Variants in HIVEP1 observed in about 807,000 individuals in gnomAD.
The protein encoded by HIVEP1 is HIVEP zinc finger 1.
A neutral mutation model predicts 180.0 loss-of-function variants in HIVEP1; 36 were observed. That is an observed-to-expected ratio of 0.20 (90% CI 0.15 to 0.26). HIVEP1 has a LOEUF of 0.26. Among genes scored for constraint, HIVEP1 ranks in the 10% least tolerant of loss-of-function variants. The pLI is 1.00. For synonymous variants in HIVEP1, 1,239 were observed against 1,239.0 expected (o/e 1.00, Z 0.00); for missense variants, 3,143 against 3,268.7 (o/e 0.96, Z 0.94).
chr6:12,165,690 TA>T (rs1760683088), downstream of HIVEP1, among the ~76,000 whole-genome samples: 2 of 152,376 alleles, frequency 1.3e-5, no homozygotes, highest in African/African-American at 4.8e-5. Flanking sequence ...TGTTGGAATT[TA>T]AATACTTAGC....
chr6:12,101,628 A>AT (rs1774118655), intron 3 of HIVEP1, among the ~76,000 whole-genome samples: 2 of 152,082 alleles, frequency 1.3e-5, no homozygotes, highest in Non-Finnish European at 2.9e-5. Context: ...AAGAAATTAA[A>AT]TATTACATTT....
the HIVEP1 span, among the ~76,000 whole-genome samples, chr6:12,194,618 A>C: frequency 6.6e-6 from 1 of 152,160 alleles, no homozygotes; most frequent in Non-Finnish European, 1.5e-5. Flanking sequence ...CCTGGCCAAC[A>C]TGCTGAAACC....
rs763309195 is a variant in HIVEP1, at chr6:12,135,852, C to T, written c.6447C>T (p.Val2149=). The T allele has an allele frequency of 8.1e-5, 131 of 1,612,004 alleles. 1 individual carries two copies. Among genetic ancestry groups the T allele is most frequent in the Non-Finnish European group, 1.1e-4 (128 of 1,178,374 alleles). ...AHSKKCVDLG[V]SVGLIDEQDT... ...GCAAGAAATGTGTGGATTTAGGCGT[C>T]TCAGTAGGTTTAATAGATGAACAGG... Residue 2149 remains valine (V), a synonymous_variant, in exon 7 of 9, where the codon GTC becomes GTT. Transcript: ENST00000379388.
At chr6:12,085,269 G>A (rs2113305463) in intron 2 of HIVEP1, among the ~76,000 whole-genome samples, 1 of 152,158 alleles carries the variant, frequency 6.6e-6, no homozygotes, top group South Asian at 2.1e-4. Flanking sequence ...GCCCAGAGAA[G>A]CCCCATCTTG....
chr6:12,166,131 G>A (rs904547148), downstream of HIVEP1, among the ~76,000 whole-genome samples: 1 of 152,154 alleles, frequency 6.6e-6, no homozygotes, highest in Non-Finnish European at 1.5e-5. Context: ...AATAATAGCT[G>A]TTGAAAATGA....
intron 3 of HIVEP1, among the ~76,000 whole-genome samples, chr6:12,098,734 G>A (rs1475553552): frequency 6.6e-6 from 1 of 152,174 alleles, no homozygotes; most frequent in African/African-American, 2.4e-5. Context: ...CAGATAAATT[G>A]AAGACAGATA....
At chr6:12,087,128 A>T (rs1489337452) in intron 2 of HIVEP1, among the ~76,000 whole-genome samples, 1 of 152,154 alleles carries the variant, frequency 6.6e-6, no homozygotes, top group African/African-American at 2.4e-5. Flanking sequence ...GTCCTAAATC[A>T]GTAGTCTAAA....
chr6:12,125,718 C>A lies in HIVEP1; in HGVS notation c.5923C>A (p.Pro1975Thr). The change falls in exon 4 of 9, where the codon CCA (proline) becomes ACA (threonine). Residue 1975 changes from proline to threonine, a missense_variant. Pro to Thr is a conservative substitution (Grantham distance 38, BLOSUM62 -1). Transcript: ENST00000379388. ...TGATTGGACAGTAAGCGCCAGTAATCCAAATCCACTCGGTTTGCCCACAAA... is the reference window on the plus strand; with the variant it reads ...TGATTGGACAGTAAGCGCCAGTAATACAAATCCACTCGGTTTGCCCACAAA... The part of the protein sequence containing the change: ...YTDWTVSASN[P>T]NPLGLPTKVA... 1 of 1,614,174 alleles carries A rather than the reference C, an allele frequency of 6.2e-7. No individual in the cohort carries two copies. The highest frequency in any genetic ancestry group is 8.5e-7 in the Non-Finnish European group (1 of 1,180,038).
intron 2 of HIVEP1, among the ~76,000 whole-genome samples, chr6:12,069,754 T>A (rs1387688616): frequency 6.6e-6 from 1 of 151,570 alleles, no homozygotes; most frequent in African/African-American, 2.4e-5. Context: ...AAGAAAAAAA[T>A]TGTGTTAGTA....
chr6:12,128,132 A>C (rs1758205658), intron 4 of HIVEP1, among the ~76,000 whole-genome samples: 1 of 152,240 alleles, frequency 6.6e-6, no homozygotes, highest in African/African-American at 2.4e-5. Flanking sequence ...ATAGTACGAA[A>C]GTGAGCAAAA....
intron 2 of HIVEP1, among the ~76,000 whole-genome samples, chr6:12,022,336 A>T (rs1369771494): frequency 6.6e-6 from 1 of 151,844 alleles, no homozygotes; most frequent in Non-Finnish European, 1.5e-5. Context: ...GCACCCAGCT[A>T]ATTTTTTGTA....
chr6:12,180,425 A>G, the HIVEP1 span, among the ~76,000 whole-genome samples: 3 of 152,346 alleles, frequency 2.0e-5, no homozygotes, highest in Admixed American at 2.0e-4. Context: ...CTTATAAACT[A>G]TAATTATAAG....
At chr6:12,071,748 G>T (rs1398251971) in intron 2 of HIVEP1, among the ~76,000 whole-genome samples, 1 of 152,148 alleles carries the variant, frequency 6.6e-6, no homozygotes, top group African/African-American at 2.4e-5. Context: ...AGGCTTTTCA[G>T]AAATAATGTG....
At chr6:12,087,623 G>T (rs1055610750) in intron 2 of HIVEP1, among the ~76,000 whole-genome samples, 1 of 151,910 alleles carries the variant, frequency 6.6e-6, no homozygotes, top group Non-Finnish European at 1.5e-5. Flanking sequence ...TTTAAAAGTG[G>T]GTCTTAGCCT....
At chr6:12,053,175 G>A (rs1770644426) in intron 2 of HIVEP1, among the ~76,000 whole-genome samples, 2 of 152,024 alleles carry the variant, frequency 1.3e-5, no homozygotes, top group African/African-American at 4.8e-5. Flanking sequence ...ATAAAGATTT[G>A]CAGTAGACAA....
chr6:12,160,637 C>A (rs1466445381), intron 7 of HIVEP1, among the ~76,000 whole-genome samples: 1 of 152,040 alleles, frequency 6.6e-6, no homozygotes, highest in African/African-American at 2.4e-5. Context: ...AAACAGGAGG[C>A]AGGGGAGGGG....
intron 7 of HIVEP1, among the ~76,000 whole-genome samples, chr6:12,144,259 A>C (rs1229762607): frequency 1.3e-5 from 2 of 152,138 alleles, no homozygotes; most frequent in African/African-American, 4.8e-5. Context: ...TGACAAATCT[A>C]ACAAAAACAA....
chr6:12,160,872 C>T (rs921199796), intron 7 of HIVEP1, among the ~76,000 whole-genome samples: 4 of 152,312 alleles, frequency 2.6e-5, no homozygotes, highest in African/African-American at 9.6e-5. Flanking sequence ...CTTAATGCCT[C>T]TTTGGGGCCT....
chr6:12,208,941 C>A, the HIVEP1 span, among the ~76,000 whole-genome samples: 5 of 152,220 alleles, frequency 3.3e-5, no homozygotes, highest in East Asian at 9.6e-4. Flanking sequence ...TCATAGAATG[C>A]AGAGGGATTA....
Sources: gnomAD v4.1 joint callset for allele counts (sites outside exome capture counted in the v4.1 genomes callset) on GRCh38, gnomAD v4.1.1 for gene constraint, MANE v1.5 for transcripts, NCBI Gene and HGNC (gene_info 2026-07-23, HGNC 2026-07-21) for gene names.